Variants in PCDHGB4 observed in about 807,000 individuals in gnomAD.
PCDHGB4 encodes protocadherin gamma subfamily B, 4.
In PCDHGB4, 38 loss-of-function variants were observed where a neutral mutation model predicts 60.5. That is an observed-to-expected ratio of 0.63 (90% CI 0.48 to 0.82). The LOEUF (loss-of-function observed/expected upper bound fraction) is 0.82, where lower values mean the gene tolerates loss of function less well. Among genes scored for constraint, PCDHGB4 ranks in the 40% least tolerant of loss-of-function variants. PCDHGB4 has a pLI of 0.00. For missense variants in PCDHGB4, 1,109 were observed against 1,209.6 expected (o/e 0.92, Z 1.23); for synonymous variants, 456 against 509.7 (o/e 0.89, Z 1.42).
At chr5:141,393,683 G>C (rs370409157) in intron 1 of PCDHGB4, 2 of 1,613,850 alleles carry the variant, frequency 1.2e-6, no homozygotes, top group East Asian at 4.5e-5. Flanking sequence ...AACAAACTCC[G>C]TTATTCCAGC....
chr5:141,413,397 T>A, intron 1 of PCDHGB4: 1 of 1,613,942 alleles, frequency 6.2e-7, no homozygotes, highest in Non-Finnish European at 8.5e-7. Context: ...TCTCCAGAGG[T>A]AGGACGCAGC....
At chr5:141,440,150 A>G (rs770863453) in intron 1 of PCDHGB4, 1 of 152,244 alleles carries the variant, frequency 6.6e-6, no homozygotes, top group African/African-American at 2.4e-5. Context: ...ACGCCCCCCA[A>G]TTATAGCTTG....
At position 141,477,263 on chromosome 5, in the gene PCDHGB4, G is replaced by C. The variant is rs543767777; in HGVS notation, c.2398-17544G>C. ...CAGTGTGACTGACCTGGATGCTGGC[G>C]AGAACGGGCTGGTGACCTGCGAAGT... On this transcript the variant is annotated intron_variant, in intron 1 of 3. Coordinates refer to ENST00000519479, the MANE Select transcript of PCDHGB4 (RefSeq NM_003736.4). The surrounding 1 kb of genome is among the most constrained non-coding windows in gnomAD (Gnocchi z 4.9). The C allele has an allele frequency of 6.2e-7, 1 of 1,614,192 alleles. No individual in the cohort carries two copies. The highest frequency in any genetic ancestry group is 1.3e-5 in the African/African-American group (1 of 75,058).
At position 141,388,296 on chromosome 5, in the gene PCDHGB4, T is replaced by G; in HGVS notation, c.412T>G (p.Phe138Val). 2 of 1,613,704 alleles carry G rather than the reference T, an allele frequency of 1.2e-6. No homozygotes were observed. The highest frequency in any genetic ancestry group is 1.7e-6 in the Non-Finnish European group (2 of 1,179,818). The change falls in exon 1 of 4, where the codon TTT becomes GTT. Residue 138 changes from phenylalanine (F) to valine (V), a missense_variant. Physicochemically the swap from Phe to Val is conservative, Grantham distance 50. Transcript: ENST00000519479. ...DHTPKFTQNS[F>V]ELQISESAQP... is the part of the protein sequence containing the mutation. ...CACGCCAAAATTCACGCAAAATTCC[T>G]TTGAGCTGCAAATAAGTGAGTCTGC...
At chr5:141,430,716 G>T (rs1327065498) in intron 1 of PCDHGB4, 2 of 1,487,962 alleles carry the variant, frequency 1.3e-6, no homozygotes, top group African/African-American at 2.8e-5. Context: ...CCTGACTTCA[G>T]TGGTTAAGGG....
intron 1 of PCDHGB4, chr5:141,403,090 C>T (rs2094352394): frequency 6.2e-7 from 1 of 1,614,068 alleles, no homozygotes; most frequent in Non-Finnish European, 8.5e-7. Context: ...ATATTGTGGG[C>T]AACATCTCCA....
At chr5:141,398,036 A>C (rs151208588) in intron 1 of PCDHGB4, 2 of 1,478,020 alleles carry the variant, frequency 1.4e-6, no homozygotes, top group African/African-American at 2.8e-5. Context: ...CTGGAACTAA[A>C]GCCCGTTCGG....
Position 141,434,451 on chromosome 5 carries a change from A to T in PCDHGB4, c.2397+44170A>T, listed in dbSNP as rs145324240. 3.9e-3 allele frequency among the ~76,000 whole-genome samples: 589 copies of T among 152,326 alleles called. 6 individuals carry two copies. The highest frequency in any genetic ancestry group is 0.011 in the Admixed American group (170 of 15,298). ...GGCCGTAATGCCCATGCTGGAAGGTAGTGGGTTTACCGGAATGAGGGCAAG... is the reference window on the plus strand; with the variant it reads ...GGCCGTAATGCCCATGCTGGAAGGTTGTGGGTTTACCGGAATGAGGGCAAG... On this transcript the variant is annotated intron_variant, in intron 1 of 3. Transcript: ENST00000519479.
At chr5:141,430,680 C>T (rs990086941) in intron 1 of PCDHGB4, 1 of 1,343,242 alleles carries the variant, frequency 7.4e-7, no homozygotes, top group Non-Finnish European at 1.0e-6. Flanking sequence ...TCCCAACTGT[C>T]CCATTCTATG....
intron 1 of PCDHGB4, chr5:141,478,664 C>T (rs2099470287): frequency 1.3e-6 from 2 of 1,551,788 alleles, no homozygotes; most frequent in Non-Finnish European, 1.7e-6. Context: ...GATGCATTCA[C>T]ACTTTCAACT....
rs1439786491 is a variant in PCDHGB4 at position 141,399,634 on chromosome 5, A to G, written c.2397+9353A>G. 9 of 1,613,742 alleles carry G rather than the reference A, an allele frequency of 5.6e-6. No individual in the cohort carries two copies. The highest frequency in any genetic ancestry group is 1.3e-5 in the African/African-American group (1 of 74,954). On this transcript the variant is annotated intron_variant, in intron 1 of 3. Transcript: ENST00000519479. ...TCTGGCACTGGCCTCTTACGTGTCC[A>G]TGAGCGCGCAAAGTGGGGTGGTGTT...
At chr5:141,415,739 G>GTT (rs1561759437) in intron 1 of PCDHGB4, 11 of 435,132 alleles carry the variant, frequency 2.5e-5, no homozygotes, top group African/African-American at 1.6e-4. Flanking sequence ...TGTTTATTAA[G>GTT]GTTTTTTTTT....
intron 1 of PCDHGB4, chr5:141,417,977 G>A (rs752463782): frequency 6.2e-7 from 1 of 1,613,872 alleles, no homozygotes; most frequent in Admixed American, 1.7e-5. Flanking sequence ...GATTCCGGAG[G>A]AGCTGGCCAA....
intron 1 of PCDHGB4, among the ~76,000 whole-genome samples, chr5:141,455,890 T>G (rs1055285369): frequency 1.3e-5 from 2 of 149,264 alleles, no homozygotes; most frequent in African/African-American, 2.4e-5. Flanking sequence ...TTTATTTATT[T>G]ATTTATTTAT....
At position 141,489,298 on chromosome 5, in the gene PCDHGB4, T is replaced by C; in HGVS notation, c.2398-5509T>C. On this transcript the variant is annotated intron_variant, in intron 1 of 3. Transcript: ENST00000519479. This position sits in a 1 kb window ranked among gnomAD's most constrained non-coding sequence, Gnocchi z 4.5. ...GAAATGGCAAGTGCTGTGCATGTTG[T>C]CCTTGTGCTGCTGGGGCTGGGTGTC... The C allele has an allele frequency of 6.3e-7, 1 of 1,584,418 alleles. No individual in the cohort carries two copies. The highest frequency in any genetic ancestry group is 8.6e-7 in the Non-Finnish European group (1 of 1,165,192).
chr5:141,403,601 G>A, intron 1 of PCDHGB4: 1 of 1,613,814 alleles, frequency 6.2e-7, no homozygotes, highest in Non-Finnish European at 8.5e-7. Flanking sequence ...GGCCTCGGAT[G>A]GCGGCGAGCC....
intron 1 of PCDHGB4, chr5:141,393,748 G>A (rs368249829): frequency 1.2e-6 from 2 of 1,613,866 alleles, no homozygotes; most frequent in Non-Finnish European, 8.5e-7. Flanking sequence ...TATGAAGAAT[G>A]TTCATTTTAT....
At chr5:141,461,663 G>C (rs1230719552) in intron 1 of PCDHGB4, among the ~76,000 whole-genome samples, 1 of 151,984 alleles carries the variant, frequency 6.6e-6, no homozygotes, top group Admixed American at 6.6e-5. Flanking sequence ...TTATTTTAAA[G>C]TTTGTTATTT....
Position 141,389,330 on chromosome 5 carries a change from C to T in PCDHGB4, c.1446C>T (p.Asn482=). The T allele has an allele frequency of 6.2e-7, 1 of 1,614,000 alleles. No individual in the cohort carries two copies. Residue 482 remains asparagine, a synonymous_variant, in exon 1 of 4, where the codon AAC becomes AAT. Coordinates refer to ENST00000519479, the MANE Select transcript of PCDHGB4 (RefSeq NM_003736.4). ...VRASDPDLGP[N]GQVSYCIMAS... The stretch of plus-strand genomic sequence containing the variant: ...CTTCTGATCCGGACTTGGGGCCCAA[C>T]GGCCAAGTCTCTTACTGCATCATGG...
Sources: gnomAD v4.1 joint callset for allele counts (sites outside exome capture counted in the v4.1 genomes callset) on GRCh38, gnomAD v4.1.1 for gene constraint, Gnocchi (gnomAD v3.1) non-coding constraint, MANE v1.5 for transcripts, NCBI Gene and HGNC (gene_info 2026-07-23, HGNC 2026-07-21) for gene names.